The following CLOCK variants were observed in gnomAD, a reference collection of about 807,000 sequenced individuals.
The protein encoded by CLOCK is clock circadian regulator.
A neutral mutation model predicts 118.4 loss-of-function variants in CLOCK; 43 were observed. That is an observed-to-expected ratio of 0.36 (90% CI 0.28 to 0.47). The LOEUF (loss-of-function observed/expected upper bound fraction) is 0.47, where lower values mean the gene tolerates loss of function less well. CLOCK is among the 20% of genes least tolerant of loss of function. The probability of loss-of-function intolerance (pLI) is 1.00; values close to 1 mark genes in which losing one functional copy is unlikely to be tolerated. For missense variants in CLOCK, 846 were observed against 999.9 expected (o/e 0.85, Z 2.08); for synonymous variants, 326 against 339.2 (o/e 0.96, Z 0.43).
At chr4:55,515,281 C>G (rs1729432358) in intron 1 of CLOCK, among the ~76,000 whole-genome samples, 1 of 152,088 alleles carries the variant, frequency 6.6e-6, no homozygotes, top group Admixed American at 6.6e-5. Context: ...CTTAGTTAGC[C>G]TAGCTGGAAG....
chr4:55,448,785 C>A lies in CLOCK; in HGVS notation c.1533G>T (p.Met511Ile), dbSNP rs1451000532. 3.1e-6 allele frequency: 5 copies of A among 1,613,238 alleles called. No individual in the cohort carries two copies. In the African/African-American group the frequency reaches 5.3e-5, roughly 17 times the overall value. ...AACAAAAACCAAAAAGTACCTGGGA[C>A]ATGCCTTGTGGAATTGGTAAATTTG... ...QATNLPIPQG[M>I]SQFQFSAQLG... The change falls in exon 18 of 23, where the codon ATG becomes ATT. Residue 511 changes from methionine (M) to isoleucine (I), a missense_variant. This residue lies in a region of CLOCK where 520 missense variants were observed against 558.0 expected (regional missense o/e 0.93). Coordinates refer to ENST00000513440, the MANE Select transcript of CLOCK (RefSeq NM_004898.4).
intron 3 of CLOCK, among the ~76,000 whole-genome samples, chr4:55,487,835 C>A (rs1727397668): frequency 6.6e-6 from 1 of 152,160 alleles, no homozygotes; most frequent in South Asian, 2.1e-4. Context: ...CTGGGATTTG[C>A]AAGAAAGTTA....
At chr4:55,448,601 CGTGTGTGTGT>C (rs3034980) in intron 18 of CLOCK, among the ~76,000 whole-genome samples, 168 bp downstream of exon 18, 17,696 of 116,958 alleles carry the variant, frequency 0.15, 1,138 homozygotes, top group East Asian at 0.3. Flanking sequence ...CGCACGCGCG[CGTGTGTGTGT>C]GTGTGTGTGT....
intron 18 of CLOCK, among the ~76,000 whole-genome samples, chr4:55,445,498 G>T (rs1723734507): frequency 6.6e-6 from 1 of 151,286 alleles, no homozygotes; most frequent in South Asian, 2.1e-4. Context: ...CTTGTGGGGA[G>T]TCTTCTAAGT....
chr4:55,539,627 A>T (rs1351071712), intron 1 of CLOCK, among the ~76,000 whole-genome samples: 1 of 151,006 alleles, frequency 6.6e-6, no homozygotes, highest in Non-Finnish European at 1.5e-5. Flanking sequence ...TTTCAGAGAA[A>T]CAAAAATAGA....
chr4:55,520,017 A>G (rs1231429421), intron 1 of CLOCK, among the ~76,000 whole-genome samples: 5 of 152,136 alleles, frequency 3.3e-5, no homozygotes, highest in Non-Finnish European at 7.3e-5. Context: ...AACACCTGCA[A>G]AGGTTGCATA....
intron 2 of CLOCK, among the ~76,000 whole-genome samples, chr4:55,490,650 A>C (rs997760899): frequency 6.6e-6 from 1 of 152,174 alleles, no homozygotes; most frequent in African/African-American, 2.4e-5. Context: ...CTATACTTTA[A>C]ATCATCTCTA....
intron 17 of CLOCK, among the ~76,000 whole-genome samples, chr4:55,449,171 T>TAA (rs5858334): frequency 6.7e-6 from 1 of 148,276 alleles, no homozygotes. Context: ...TTTCCACAAT[T>TAA]AAAAAAAAAA....
At chr4:55,460,978 C>T (rs142385079) in intron 9 of CLOCK, among the ~76,000 whole-genome samples, 6 of 150,786 alleles carry the variant, frequency 4.0e-5, no homozygotes, top group Non-Finnish European at 7.4e-5. Context: ...GCCTGGACTA[C>T]AGTGACATGA....
At chr4:55,444,931 C>T (rs1339525446) in intron 18 of CLOCK, 146 bp from the exon 19 acceptor site, 1 of 856,898 alleles carries the variant, frequency 1.2e-6, no homozygotes, top group Non-Finnish European at 1.8e-6. Flanking sequence ...CTAATCCACC[C>T]ATCTTTGCTC....
intron 4 of CLOCK, 116 bp from the exon 5 acceptor site, chr4:55,479,815 T>C (rs1726793316): frequency 2.5e-6 from 2 of 796,194 alleles, no homozygotes; most frequent in South Asian, 1.5e-5. Context: ...TAATGAGTTA[T>C]AACATTCAAA....
At chr4:55,522,561 G>A (rs1729912991) in intron 1 of CLOCK, among the ~76,000 whole-genome samples, 1 of 151,424 alleles carries the variant, frequency 6.6e-6, no homozygotes, top group Non-Finnish European at 1.5e-5. Context: ...TAAACTTTAT[G>A]AACAGAATAA....
Position 55,509,969 on chromosome 4 carries a change from T to G in CLOCK, c.-193A>C, listed in dbSNP as rs1278711287. 2.0e-5 allele frequency: 3 copies of G among 152,192 alleles called. No individual in the cohort carries two copies. The highest frequency in any genetic ancestry group is 4.4e-5 in the Non-Finnish European group (3 of 68,028). The allele number at this position is 152,192 out of a possible 1,614,324, so 9.4% of individuals were successfully genotyped here. Reference sequence around the variant, plus strand: ...AGTGAGACTTGCCAAGTTCTAAAGATTCATTTAAGAGGACTGTAGAATTAT... The same window carrying G: ...AGTGAGACTTGCCAAGTTCTAAAGAGTCATTTAAGAGGACTGTAGAATTAT... On this transcript the variant is annotated 5_prime_UTR_variant, in exon 2 of 23. Coordinates refer to ENST00000513440, the MANE Select transcript of CLOCK (RefSeq NM_004898.4).
intron 2 of CLOCK, among the ~76,000 whole-genome samples, chr4:55,506,790 A>T (rs1039477781): frequency 7.2e-5 from 11 of 152,050 alleles, no homozygotes; most frequent in Non-Finnish European, 1.5e-4. Context: ...CAAACTCCTG[A>T]CCACAGGTGA....
chr4:55,509,115 G>T (rs527403449), intron 2 of CLOCK, among the ~76,000 whole-genome samples: 32 of 152,254 alleles, frequency 2.1e-4, no homozygotes, highest in African/African-American at 7.7e-4. Flanking sequence ...ACATAGAAAA[G>T]GTAATGGGTT....
At chr4:55,508,257 T>C (rs1411722541) in intron 2 of CLOCK, among the ~76,000 whole-genome samples, 5 of 152,220 alleles carry the variant, frequency 3.3e-5, no homozygotes, top group East Asian at 1.9e-4. Context: ...TAAGGTATTA[T>C]AGTAACATTA....
At chr4:55,523,744 A>AT (rs1343777071) in intron 1 of CLOCK, among the ~76,000 whole-genome samples, 4 of 142,130 alleles carry the variant, frequency 2.8e-5, no homozygotes, top group African/African-American at 9.8e-5. Context: ...TTTCTAATAC[A>AT]TACCTCTAAT....
At chr4:55,537,843 C>T (rs756796193) in intron 1 of CLOCK, among the ~76,000 whole-genome samples, 7 of 152,060 alleles carry the variant, frequency 4.6e-5, no homozygotes, top group Non-Finnish European at 8.8e-5. Context: ...AGCATGCTTA[C>T]ATTAGAAAAG....
At chr4:55,441,540 C>T (rs1437364459) in intron 21 of CLOCK, among the ~76,000 whole-genome samples, 1 of 152,162 alleles carries the variant, frequency 6.6e-6, no homozygotes, top group Admixed American at 6.5e-5. Context: ...CCATGGCCTA[C>T]TACTCAGCCA....
Sources: gnomAD v4.1 joint callset for allele counts (sites outside exome capture counted in the v4.1 genomes callset) on GRCh38, gnomAD v4.1.1 for gene constraint, gnomAD v4.1.1 regional missense constraint, MANE v1.5 for transcripts, NCBI Gene and HGNC (gene_info 2026-07-23, HGNC 2026-07-21) for gene names.